Variants in NUDCD3 observed in about 807,000 individuals in gnomAD.
NUDCD3 encodes nudC domain-containing protein 3.
Under a neutral mutation model 39.7 loss-of-function variants are expected in NUDCD3, and 13 were observed. The ratio of observed to expected loss-of-function variants is 0.33; its 90% CI spans 0.21 to 0.52. The LOEUF is 0.52. Among genes scored for constraint, NUDCD3 ranks in the 20% least tolerant of loss-of-function variants. NUDCD3 has a pLI of 0.96. For synonymous variants in NUDCD3, 175 were observed against 172.4 expected (o/e 1.02, Z -0.12); for missense variants, 453 against 458.1 (o/e 0.99, Z 0.10).
At chr7:44,481,273 C>T (rs966747028) in intron 2 of NUDCD3, 3 of 152,224 alleles carry the variant, frequency 2.0e-5, no homozygotes, top group African/African-American at 7.2e-5. Context: ...AAGAGAGTTA[C>T]TGCAAGAAAT....
At chr7:44,435,308 C>T (rs1799443210) in intron 2 of NUDCD3, among the ~76,000 whole-genome samples, 1 of 152,164 alleles carries the variant, frequency 6.6e-6, no homozygotes. Flanking sequence ...CCAGAACACA[C>T]ACGGTAAGCC....
chr7:44,447,766 G>A (rs1426373866), intron 2 of NUDCD3, among the ~76,000 whole-genome samples: 1 of 152,186 alleles, frequency 6.6e-6, no homozygotes, highest in Non-Finnish European at 1.5e-5. Context: ...TCAAAGCCAT[G>A]GATCTTAGGT....
At chr7:44,410,046 G>A (rs1029060395) in intron 3 of NUDCD3, among the ~76,000 whole-genome samples, 4 of 152,036 alleles carry the variant, frequency 2.6e-5, no homozygotes, top group African/African-American at 9.7e-5. Flanking sequence ...CAGAACCTGA[G>A]GGACACTATT....
At chr7:44,433,103 G>C (rs774400516) in intron 2 of NUDCD3, among the ~76,000 whole-genome samples, 1 of 152,208 alleles carries the variant, frequency 6.6e-6, no homozygotes. Context: ...CAAGAAAACA[G>C]AGGTCCATGA....
chr7:44,484,533 T>C (rs1170697554), intron 2 of NUDCD3: 10 of 160,050 alleles, frequency 6.2e-5, no homozygotes, highest in Admixed American at 3.0e-4. Flanking sequence ...GGAAGCGGCA[T>C]AGCGAGGATG....
At chr7:44,410,003 G>A (rs1004209806) in intron 3 of NUDCD3, among the ~76,000 whole-genome samples, 12 of 151,766 alleles carry the variant, frequency 7.9e-5, no homozygotes, top group Admixed American at 1.3e-4. Context: ...CGAAACAGGA[G>A]GAAAAAACAG....
At chr7:44,471,977 T>C (rs1248050385) in intron 2 of NUDCD3, 1 of 152,222 alleles carries the variant, frequency 6.6e-6, no homozygotes, top group Non-Finnish European at 1.5e-5. Context: ...CAAATGCCCA[T>C]CCCAGTCCCT....
intron 3 of NUDCD3, among the ~76,000 whole-genome samples, chr7:44,416,230 C>T (rs746242025): frequency 5.3e-5 from 8 of 152,012 alleles, no homozygotes; most frequent in African/African-American, 7.3e-5. Flanking sequence ...ACTACAGCAG[C>T]GTGCCACCAT....
rs1324507214 is a variant in NUDCD3 at position 44,381,319 on chromosome 7, G to A, written c.*4692C>T. 3 of 152,340 alleles carry A rather than the reference G, an allele frequency of 2.0e-5. No homozygotes were observed. Among genetic ancestry groups the A allele is most frequent in the Non-Finnish European group, 4.4e-5 (3 of 68,138 alleles). The allele number at this position is 152,340 out of a possible 1,614,324, so 9.4% of individuals were successfully genotyped here. On this transcript the variant is annotated 3_prime_UTR_variant, in exon 6 of 6. Coordinates refer to ENST00000355451, the MANE Select transcript of NUDCD3 (RefSeq NM_015332.4). Reference sequence around the variant, plus strand: ...TGCCACAGAGAGTGTGGCATGGCCAGGACTGTACCTGGGGCAGATGGTCTT... The same window carrying A: ...TGCCACAGAGAGTGTGGCATGGCCAAGACTGTACCTGGGGCAGATGGTCTT...
chr7:44,487,665 G>A (rs978045604), intron 1 of NUDCD3, among the ~76,000 whole-genome samples: 2 of 152,064 alleles, frequency 1.3e-5, no homozygotes, highest in Non-Finnish European at 2.9e-5. Flanking sequence ...AAAAGAACAG[G>A]TTCCAGCCAG....
intron 2 of NUDCD3, among the ~76,000 whole-genome samples, chr7:44,433,271 T>C (rs1429360079): frequency 2.6e-5 from 4 of 152,150 alleles, no homozygotes; most frequent in Admixed American, 2.6e-4. Context: ...CATGTGTGTG[T>C]GTGTGTATAG....
intron 4 of NUDCD3, among the ~76,000 whole-genome samples, chr7:44,393,487 A>G (rs992717301): frequency 3.3e-5 from 5 of 152,212 alleles, no homozygotes; most frequent in Non-Finnish European, 7.3e-5. Context: ...ACAGACACAG[A>G]AAACAAGAAA....
At chr7:44,412,716 AG>A (rs201028728) in intron 3 of NUDCD3, among the ~76,000 whole-genome samples, 2,521 of 152,026 alleles carry the variant, frequency 0.017, 53 homozygotes, top group African/African-American at 0.057. Context: ...TCATGAGGTC[AG>A]GAGATCGAGG....
chr7:44,409,093 G>A (rs1798877899), intron 3 of NUDCD3, among the ~76,000 whole-genome samples: 1 of 152,158 alleles, frequency 6.6e-6, no homozygotes, highest in Non-Finnish European at 1.5e-5. Flanking sequence ...AAATGTCCGT[G>A]GGGGCTTTGA....
intron 3 of NUDCD3, chr7:44,413,226 G>A (rs1798963590): frequency 6.6e-6 from 1 of 152,058 alleles, no homozygotes; most frequent in African/African-American, 2.4e-5. Context: ...TGAGGCAGGG[G>A]GATTACTTGA....
chr7:44,447,315 C>T (rs2116929949), intron 2 of NUDCD3, among the ~76,000 whole-genome samples: 1 of 152,330 alleles, frequency 6.6e-6, no homozygotes, highest in Admixed American at 6.5e-5. Context: ...CCAACAAACA[C>T]TGTAACGAAG....
intron 5 of NUDCD3, among the ~76,000 whole-genome samples, chr7:44,391,062 A>G (rs569143427): frequency 2.6e-5 from 4 of 152,342 alleles, no homozygotes; most frequent in African/African-American, 9.6e-5. Flanking sequence ...GACAGGTGTG[A>G]AATCAAATCA....
chr7:44,412,666 G>A (rs952555639), intron 3 of NUDCD3, among the ~76,000 whole-genome samples: 3 of 152,132 alleles, frequency 2.0e-5, no homozygotes, highest in Admixed American at 2.0e-4. Flanking sequence ...AGTGGCTCAC[G>A]CCTATAATCT....
At chr7:44,462,945 C>CTGTGTGTGTGTGTGTGTGTG (rs3138779) in intron 2 of NUDCD3, among the ~76,000 whole-genome samples, 17 of 146,682 alleles carry the variant, frequency 1.2e-4, no homozygotes, top group African/African-American at 3.8e-4. Flanking sequence ...CACAACCAGG[C>CTGTGTGTGTGTGTGTGTGTG]TGTGTGTGTG....
Sources: allele counts gnomAD v4.1 joint callset (sites outside exome capture counted in the v4.1 genomes callset), GRCh38; gene constraint gnomAD v4.1.1; transcripts MANE v1.5; gene names NCBI Gene and HGNC (gene_info 2026-07-23, HGNC 2026-07-21).